The following TP53AIP1 variants were observed in gnomAD, a reference collection of about 807,000 sequenced individuals.
The protein encoded by TP53AIP1 is p53-regulated apoptosis-inducing protein 1.
TP53AIP1 carries 14 observed loss-of-function variants against 9.5 expected under a neutral mutation model. The ratio of observed to expected loss-of-function variants is 1.47; its 90% CI spans 0.97 to 2.30. TP53AIP1 has a LOEUF of 2.30. Among genes scored for constraint, TP53AIP1 ranks in the 30% most tolerant of loss-of-function variants. The pLI, the probability that TP53AIP1 is intolerant of heterozygous loss-of-function variation, is 0.00. For synonymous variants in TP53AIP1, 73 were observed against 61.2 expected (o/e 1.19, Z -0.90); for missense variants, 153 against 146.7 (o/e 1.04, Z -0.22).
chr11:128,935,970 T>C, intron 3 of TP53AIP1: 1 of 1,124,048 alleles, frequency 8.9e-7, no homozygotes, highest in Non-Finnish European at 1.1e-6. Context: ...CAGTAAGATA[T>C]GTAGGACATA....
chr11:128,940,153 C>G (rs1056338916), intron 1 of TP53AIP1, among the ~76,000 whole-genome samples: 6 of 152,168 alleles, frequency 3.9e-5, no homozygotes, highest in Admixed American at 1.3e-4. Context: ...TCACAAAGAA[C>G]CTTGGAGCCC....
In TP53AIP1 at chr11:128,937,127, C is replaced by T; in HGVS notation, c.142-478G>A. 1 of 1,070,574 alleles carries T rather than the reference C, an allele frequency of 9.3e-7. No individual in the cohort carries two copies. The highest frequency in any genetic ancestry group is 1.7e-5 in the African/African-American group (1 of 60,194). 66.3% of individuals were successfully genotyped at this position (1,070,574 alleles called of 1,614,324 possible). On this transcript the variant is annotated intron_variant, in intron 2 of 3. Coordinates refer to ENST00000531399, the MANE Select transcript of TP53AIP1 (RefSeq NM_022112.3). The surrounding 1 kb of genome is among the most constrained non-coding windows in gnomAD (Gnocchi z 4.8). The stretch of plus-strand genomic sequence containing the variant: ...CCTGTGCTGGGATGAATGCATGGCC[C>T]CTGCATCCTTACCCCCTCCTCAGAG...
At chr11:128,936,917 C>A (rs1368636631) in intron 2 of TP53AIP1, 1 of 1,222,264 alleles carries the variant, frequency 8.2e-7, no homozygotes, top group African/African-American at 1.5e-5. Flanking sequence ...ACCGGCGCTT[C>A]CTCCCTCCCA....
rs1944866141 is a variant in TP53AIP1, at chr11:128,937,951, C to G, written c.-76-57G>C. ...AGCAGTGGTGGCAGCGCTGGGCCAG[C>G]AATGATGATTTCTACTGTTAGGGTT... On this transcript the variant is annotated intron_variant, in intron 1 of 3. Transcript: ENST00000531399. The surrounding 1 kb of genome is among the most constrained non-coding windows in gnomAD (Gnocchi z 4.8). The G allele has an allele frequency of 1.0e-6, 1 of 974,734 alleles. No individual in the cohort carries two copies. The highest frequency in any genetic ancestry group is 1.5e-6 in the Non-Finnish European group (1 of 674,326). The allele number at this position is 974,734 out of a possible 1,614,324, so 60.4% of individuals were successfully genotyped here. A position where few individuals can be genotyped will look rare whatever the true frequency, so the allele number is the denominator to read the frequency against.
At chr11:128,935,947 A>C in intron 3 of TP53AIP1, 1 of 1,222,630 alleles carries the variant, frequency 8.2e-7, no homozygotes, top group Admixed American at 3.7e-5. Flanking sequence ...TAAACAAAAT[A>C]TGCTAATGAT....
In TP53AIP1 at chr11:128,940,163, C is replaced by T. The variant is rs577562129; in HGVS notation, c.-76-2269G>A. ...TATTATCACAAAGAACCTTGGAGCC[C>T]CTGCACAGGAACCCACTCCTTAGAG... On this transcript the variant is annotated intron_variant, in intron 1 of 3. Coordinates refer to ENST00000531399, the MANE Select transcript of TP53AIP1 (RefSeq NM_022112.3). Among the ~76,000 whole-genome samples, 96 of 152,276 alleles carry T rather than the reference C, an allele frequency of 6.3e-4. 1 individual carries two copies. Among genetic ancestry groups the T allele is most frequent in the South Asian group, 5.8e-3 (28 of 4,822 alleles).
intron 1 of TP53AIP1, among the ~76,000 whole-genome samples, chr11:128,938,673 C>T (rs561204778): frequency 9.9e-5 from 15 of 152,186 alleles, no homozygotes; most frequent in Non-Finnish European, 2.1e-4. Context: ...AGCTACTGCC[C>T]ACATCGCTTC....
chr11:128,939,345 T>A lies in TP53AIP1; in HGVS notation c.-76-1451A>T, dbSNP rs1461894608. The stretch of plus-strand genomic sequence containing the variant: ...CCAGGACAAGTGATCCTGCGGCCCA[T>A]TGCTCACTCCCCGCAGAGGCAGGGG... On this transcript the variant is annotated intron_variant, in intron 1 of 3. Coordinates refer to ENST00000531399, the MANE Select transcript of TP53AIP1 (RefSeq NM_022112.3). The surrounding 1 kb of genome is among the most constrained non-coding windows in gnomAD (Gnocchi z 4.1). Among the ~76,000 whole-genome samples, 1 of 152,120 alleles carries A rather than the reference T, an allele frequency of 6.6e-6. No individual in the cohort carries two copies. The highest frequency in any genetic ancestry group is 1.5e-5 in the Non-Finnish European group (1 of 68,010).
intron 1 of TP53AIP1, among the ~76,000 whole-genome samples, chr11:128,940,111 G>T (rs990762465): frequency 1.3e-5 from 2 of 152,212 alleles, no homozygotes; most frequent in Non-Finnish European, 2.9e-5. Flanking sequence ...CCAAGCATGA[G>T]AGGGAACCAA....
At chr11:128,941,314 T>A (rs1944937885) in intron 1 of TP53AIP1, among the ~76,000 whole-genome samples, 1 of 152,108 alleles carries the variant, frequency 6.6e-6, no homozygotes, top group Non-Finnish European at 1.5e-5. Context: ...TGTCCATGGG[T>A]TCTCTGAGAC....
chr11:128,937,244 A>C lies in TP53AIP1; in HGVS notation c.141+434T>G. The C allele has an allele frequency of 7.9e-7, 1 of 1,270,884 alleles. No individual in the cohort carries two copies. Among genetic ancestry groups the C allele is most frequent in the Non-Finnish European group, 9.9e-7 (1 of 1,008,522 alleles). The allele number at this position is 1,270,884 out of a possible 1,614,324, so 78.7% of individuals were successfully genotyped here. On this transcript the variant is annotated intron_variant, in intron 2 of 3. Transcript: ENST00000531399. This position sits in a 1 kb window ranked among gnomAD's most constrained non-coding sequence, Gnocchi z 4.8. The stretch of plus-strand genomic sequence containing the variant: ...CTGGTGCTCCGAGGCCCATCTGGAC[A>C]AAAGCAGGATCCGGGGTGGACGCAG...
intron 3 of TP53AIP1, chr11:128,935,937 T>A (rs1238520926): frequency 1.0e-5 from 13 of 1,254,444 alleles, no homozygotes; most frequent in African/African-American, 1.5e-5. Flanking sequence ...TATCTTGGAA[T>A]AAACAAAATA....
chr11:128,937,381 A>C lies in TP53AIP1; in HGVS notation c.141+297T>G. On this transcript the variant is annotated intron_variant, in intron 2 of 3. Coordinates refer to ENST00000531399, the MANE Select transcript of TP53AIP1 (RefSeq NM_022112.3). This position sits in a 1 kb window ranked among gnomAD's most constrained non-coding sequence, Gnocchi z 4.8. The stretch of plus-strand genomic sequence containing the variant: ...CACTTTCTGGATGCAGCCAGGCACC[A>C]CCTTCCTTCCAAAAGCCTTGTTTCT... 7.0e-7 allele frequency: 1 copy of C among 1,426,516 alleles called. No homozygotes were observed. Among genetic ancestry groups the C allele is most frequent in the Non-Finnish European group, 9.1e-7 (1 of 1,093,842 alleles). 88.4% of individuals were successfully genotyped at this position (1,426,516 alleles called of 1,614,324 possible).
rs1037130162 is a variant in TP53AIP1 at position 128,939,847 on chromosome 11, G to C, written c.-76-1953C>G. Reference sequence around the variant, plus strand: ...GGCTTTAAAATCAAAGTGTTTGTTAGAAAGCAGCTTTGTTTTCCTTCTATT... The same window carrying C: ...GGCTTTAAAATCAAAGTGTTTGTTACAAAGCAGCTTTGTTTTCCTTCTATT... On this transcript the variant is annotated intron_variant, in intron 1 of 3. Coordinates refer to ENST00000531399, the MANE Select transcript of TP53AIP1 (RefSeq NM_022112.3). The surrounding 1 kb of genome is among the most constrained non-coding windows in gnomAD (Gnocchi z 4.1). Among the ~76,000 whole-genome samples the C allele has an allele frequency of 3.9e-5, 6 of 152,242 alleles. No individual in the cohort carries two copies. Among genetic ancestry groups the C allele is most frequent in the Non-Finnish European group, 8.8e-5 (6 of 68,034 alleles).
chr11:128,936,579 G>C lies in TP53AIP1; in HGVS notation c.212C>G (p.Ser71Trp). The change falls in exon 3 of 4, where the codon TCG becomes TGG. Residue 71 changes from serine (S) to tryptophan (W), a missense_variant. Transcript: ENST00000531399. Reference protein sequence around the residue: ...GCRGIEALSVSSGSWSSATVW... With the variant: ...GCRGIEALSVWSGSWSSATVW... ...AGTTGCTGAGGACCAAGATCCAGACGAGACTGACAGAGCTTCTATTCCCCG... is the reference window on the plus strand; with the variant it reads ...AGTTGCTGAGGACCAAGATCCAGACCAGACTGACAGAGCTTCTATTCCCCG... 2 of 1,586,822 alleles carry C rather than the reference G, an allele frequency of 1.3e-6. No homozygotes were observed. Among genetic ancestry groups the C allele is most frequent in the Non-Finnish European group, 8.5e-7 (1 of 1,174,508 alleles).
intron 1 of TP53AIP1, among the ~76,000 whole-genome samples, chr11:128,940,658 G>A (rs1381034886): frequency 6.6e-6 from 1 of 152,232 alleles, no homozygotes; most frequent in Non-Finnish European, 1.5e-5. Flanking sequence ...ATACATTTCT[G>A]TCCTTTGTGA....
In TP53AIP1 at chr11:128,940,210, T is replaced by A. The variant is rs138496238; in HGVS notation, c.-76-2316A>T. On this transcript the variant is annotated intron_variant, in intron 1 of 3. Transcript: ENST00000531399. ...AGAGGGCACAAGGGGCCAAGTTTTGTTTGAGACAATGAGCTGGCATTGGAA... is the reference window on the plus strand; with the variant it reads ...AGAGGGCACAAGGGGCCAAGTTTTGATTGAGACAATGAGCTGGCATTGGAA... Among the ~76,000 whole-genome samples, 298 of 152,320 alleles carry A rather than the reference T, an allele frequency of 2.0e-3. 2 individuals are homozygous for A. The highest frequency in any genetic ancestry group is 6.7e-3 in the African/African-American group (277 of 41,578).
chr11:128,942,398 G>C (rs1442923225), intron 1 of TP53AIP1, among the ~76,000 whole-genome samples: 1 of 152,230 alleles, frequency 6.6e-6, no homozygotes, highest in Non-Finnish European at 1.5e-5. Flanking sequence ...ACCCAGGTCT[G>C]AGCCCCAGCT....
In TP53AIP1 at chr11:128,937,325, C is replaced by T. The variant is rs1019949816; in HGVS notation, c.141+353G>A. The T allele has an allele frequency of 3.6e-6, 5 of 1,407,956 alleles. No homozygotes were observed. The highest frequency in any genetic ancestry group is 1.7e-5 in the South Asian group (1 of 60,460). 87.2% of individuals were successfully genotyped at this position (1,407,956 alleles called of 1,614,324 possible). A position where few individuals can be genotyped will look rare whatever the true frequency, so the allele number is the denominator to read the frequency against. ...CTTCCCTCCCCATGCGCTCCACATGCGTCCTTTGTTCAGCCTCTCCATTTA... is the reference window on the plus strand; with the variant it reads ...CTTCCCTCCCCATGCGCTCCACATGTGTCCTTTGTTCAGCCTCTCCATTTA... On this transcript the variant is annotated intron_variant, in intron 2 of 3. Coordinates refer to ENST00000531399, the MANE Select transcript of TP53AIP1 (RefSeq NM_022112.3). The surrounding 1 kb of genome is among the most constrained non-coding windows in gnomAD (Gnocchi z 4.8).
Sources: gnomAD v4.1 joint callset for allele counts (sites outside exome capture counted in the v4.1 genomes callset) on GRCh38, gnomAD v4.1.1 for gene constraint, Gnocchi (gnomAD v3.1) non-coding constraint, MANE v1.5 for transcripts, NCBI Gene and HGNC (gene_info 2026-07-23, HGNC 2026-07-21) for gene names.